Variants in MBNL1 observed in about 807,000 individuals in gnomAD.
The protein encoded by MBNL1 is muscleblind-like protein 1.
A neutral mutation model predicts 42.2 loss-of-function variants in MBNL1; 8 were observed. The ratio of observed to expected loss-of-function variants is 0.19; its 90% CI spans 0.11 to 0.34. The LOEUF (loss-of-function observed/expected upper bound fraction) is 0.34, where lower values mean the gene tolerates loss of function less well. Ranked by LOEUF, MBNL1 falls within the 10% of genes least tolerant of loss-of-function variation. MBNL1 has a pLI of 1.00. For synonymous variants in MBNL1, 169 were observed against 173.9 expected, an observed-to-expected ratio of 0.97 and a Z score of 0.22; for missense variants, 309 against 495.3, an observed-to-expected ratio of 0.62 and a Z score of 3.57.
chr3:152,340,355 T>C (rs1420983315), intron 2 of MBNL1: 4 of 707,076 alleles, frequency 5.7e-6, no homozygotes, highest in African/African-American at 5.4e-5. Context: ...AACTGAACAA[T>C]AGTAATCTCT....
chr3:152,408,970 A>T (rs150046451), intron 2 of MBNL1, among the ~76,000 whole-genome samples: 11 of 152,332 alleles, frequency 7.2e-5, no homozygotes, highest in Non-Finnish European at 1.6e-4. Context: ...TCTTTTTAGG[A>T]TGTATGTGCT....
intron 2 of MBNL1, among the ~76,000 whole-genome samples, chr3:152,401,178 C>G (rs1215025990): frequency 6.6e-6 from 1 of 152,186 alleles, no homozygotes; most frequent in Non-Finnish European, 1.5e-5. Flanking sequence ...ATTCATTCTA[C>G]AAACATTTAT....
intron 2 of MBNL1, among the ~76,000 whole-genome samples, chr3:152,305,603 CTAGA>C (rs970353951): frequency 7.9e-5 from 12 of 151,396 alleles, no homozygotes; most frequent in African/African-American, 1.2e-4. Flanking sequence ...AAGTGGGTAA[CTAGA>C]TAGATAGATA....
At chr3:152,394,074 T>C (rs1393382052) in intron 2 of MBNL1, among the ~76,000 whole-genome samples, 4 of 152,204 alleles carry the variant, frequency 2.6e-5, no homozygotes, top group Non-Finnish European at 5.9e-5. Flanking sequence ...CCTACCATTT[T>C]AAAAACCAAG....
At chr3:152,382,577 TTATTTCCAAGAATGCTTCTGAATATGTA>T (rs1244354785) in intron 2 of MBNL1, among the ~76,000 whole-genome samples, 1 of 152,126 alleles carries the variant, frequency 6.6e-6, no homozygotes, top group Non-Finnish European at 1.5e-5. Context: ...ATGATAGCAC[TTATTTCCAAGAATGCTTCTGAATATGTA>T]TCCCAGGCAA....
At chr3:152,446,109 GAC>G (rs1304674411) in intron 5 of MBNL1, among the ~76,000 whole-genome samples, 5 of 152,024 alleles carry the variant, frequency 3.3e-5, no homozygotes, top group South Asian at 2.1e-4. Context: ...CCATTATATA[GAC>G]AGGAGAGAGA....
chr3:152,349,213 G>C (rs535722066), intron 2 of MBNL1, among the ~76,000 whole-genome samples: 8 of 152,026 alleles, frequency 5.3e-5, no homozygotes, highest in African/African-American at 1.9e-4. Context: ...TGAAATACTT[G>C]AATAACAGTT....
intron 2 of MBNL1, among the ~76,000 whole-genome samples, chr3:152,411,549 GA>G (rs1299154687): frequency 6.6e-6 from 1 of 151,964 alleles, no homozygotes; most frequent in Non-Finnish European, 1.5e-5. Context: ...AAAAACTGAA[GA>G]CATATTTATA....
intron 8 of MBNL1, chr3:152,458,330 T>TA (rs1322454991): frequency 1.3e-5 from 9 of 686,880 alleles, no homozygotes; most frequent in Admixed American, 2.6e-5. Context: ...TGGATTGTAG[T>TA]ATGTTGAATT....
chr3:152,355,034 G>A (rs1024655208), intron 2 of MBNL1, among the ~76,000 whole-genome samples: 3 of 152,036 alleles, frequency 2.0e-5, no homozygotes, highest in Non-Finnish European at 4.4e-5. Context: ...AGAAATTTCT[G>A]TTATTCATCA....
intron 2 of MBNL1, among the ~76,000 whole-genome samples, chr3:152,344,909 C>T (rs2093978238): frequency 6.6e-6 from 1 of 152,090 alleles, no homozygotes; most frequent in Non-Finnish European, 1.5e-5. Flanking sequence ...GACACACAGA[C>T]ACCCATGCTT....
chr3:152,251,470 T>C (rs1000622247), intron 2 of MBNL1, among the ~76,000 whole-genome samples: 2 of 152,146 alleles, frequency 1.3e-5, no homozygotes, highest in African/African-American at 4.8e-5. Flanking sequence ...TTAATTATAG[T>C]CACTACGTTG....
At chr3:152,433,893 C>G (rs926762442) in intron 4 of MBNL1, among the ~76,000 whole-genome samples, 117 of 152,218 alleles carry the variant, frequency 7.7e-4, no homozygotes, top group African/African-American at 2.6e-3. Context: ...AGAATTTCAG[C>G]ATGACTGTGA....
intron 1 of MBNL1, among the ~76,000 whole-genome samples, chr3:152,282,509 A>G (rs1229755223): frequency 6.6e-6 from 1 of 152,188 alleles, no homozygotes; most frequent in Non-Finnish European, 1.5e-5. Flanking sequence ...AATTTTTAAT[A>G]TTCTAGGCAC....
chr3:152,325,540 A>G (rs2079219448), intron 2 of MBNL1, among the ~76,000 whole-genome samples: 1 of 152,088 alleles, frequency 6.6e-6, no homozygotes, highest in Non-Finnish European at 1.5e-5. Context: ...TATATTGAAG[A>G]TATCTGTATT....
rs1368230885 is a variant in MBNL1 at position 152,463,576 on chromosome 3, T to C, written c.*1210T>C. Reference sequence around the variant, plus strand: ...AAATATGAAAATGGGAAATGTTTAATTAACCTAGTAATTGGGTGGGTTAAG... The same window carrying C: ...AAATATGAAAATGGGAAATGTTTAACTAACCTAGTAATTGGGTGGGTTAAG... On this transcript the variant is annotated 3_prime_UTR_variant, in exon 10 of 10. Coordinates refer to ENST00000324210, the MANE Select transcript of MBNL1 (RefSeq NM_021038.5). The C allele has an allele frequency of 6.6e-6, 1 of 152,556 alleles. No homozygotes were observed. The highest frequency in any genetic ancestry group is 2.4e-5 in the African/African-American group (1 of 41,452). The allele number at this position is 152,556 out of a possible 1,614,324, so 9.5% of individuals were successfully genotyped here. A position where few individuals can be genotyped will look rare whatever the true frequency, so the allele number is the denominator to read the frequency against.
At chr3:152,426,325 A>G (rs2098930941) in intron 3 of MBNL1, among the ~76,000 whole-genome samples, 1 of 152,204 alleles carries the variant, frequency 6.6e-6, no homozygotes, top group Non-Finnish European at 1.5e-5. Flanking sequence ...CACGTTCTGC[A>G]CATGTATCCC....
chr3:152,341,777 G>A (rs771480318), intron 2 of MBNL1, among the ~76,000 whole-genome samples: 31 of 152,186 alleles, frequency 2.0e-4, no homozygotes, highest in Non-Finnish European at 1.2e-4. Flanking sequence ...AAAATAAAGT[G>A]TGTACAGAGC....
chr3:152,253,872 C>A (rs1236330724), intron 2 of MBNL1, among the ~76,000 whole-genome samples: 1 of 152,108 alleles, frequency 6.6e-6, no homozygotes, highest in Admixed American at 6.6e-5. Flanking sequence ...TGTCATTTTA[C>A]CCCATTTTAA....
Sources: allele counts gnomAD v4.1 joint callset (sites outside exome capture counted in the v4.1 genomes callset), GRCh38; gene constraint gnomAD v4.1.1; transcripts MANE v1.5; gene names NCBI Gene and HGNC (gene_info 2026-07-23, HGNC 2026-07-21).